Variants in TPTE2 observed in about 807,000 individuals in gnomAD.
TPTE2 encodes transmembrane phosphoinositide 3-phosphatase and tensin homolog 2.
In TPTE2, 53 loss-of-function variants were observed where a neutral mutation model predicts 78.6. That is an observed-to-expected ratio of 0.67 (90% CI 0.54 to 0.85). The LOEUF (loss-of-function observed/expected upper bound fraction) is 0.85. Ranked by LOEUF, TPTE2 falls within the 40% of genes least tolerant of loss-of-function variation. TPTE2 has a pLI of 0.00. For synonymous variants in TPTE2, 175 were observed against 206.2 expected (o/e 0.85, Z 1.30); for missense variants, 461 against 623.0 (o/e 0.74, Z 2.77).
chr13:19,445,987 C>T (rs1566043325), intron 13 of TPTE2, among the ~76,000 whole-genome samples: 1 of 152,000 alleles, frequency 6.6e-6, no homozygotes, highest in Non-Finnish European at 1.5e-5. Flanking sequence ...AAATTGGAAA[C>T]AACCCAAATG....
the TPTE2 span, among the ~76,000 whole-genome samples, chr13:19,547,099 A>C: frequency 6.6e-6 from 1 of 151,946 alleles, no homozygotes; most frequent in African/African-American, 2.4e-5. Context: ...AAAAAAAAAA[A>C]AGATCACATA....
At chr13:19,478,180 A>G (rs896691469) in intron 4 of TPTE2, among the ~76,000 whole-genome samples, 4 of 152,216 alleles carry the variant, frequency 2.6e-5, no homozygotes, top group African/African-American at 9.7e-5. Flanking sequence ...TAAACTAAAG[A>G]GCTTCTGCAC....
At chr13:19,454,601 T>C (rs917036180) in intron 10 of TPTE2, among the ~76,000 whole-genome samples, 4 of 152,180 alleles carry the variant, frequency 2.6e-5, no homozygotes, top group Non-Finnish European at 4.4e-5. Flanking sequence ...TTAAAACACA[T>C]GATTACCTCC....
At chr13:19,483,133 C>T (rs1245263160) in intron 3 of TPTE2, among the ~76,000 whole-genome samples, 2 of 152,182 alleles carry the variant, frequency 1.3e-5, no homozygotes, top group Non-Finnish European at 1.5e-5. Flanking sequence ...TGGTGGAGGG[C>T]GTTGCCTCCA....
chr13:19,509,291 C>T (rs1869273174), intron 1 of TPTE2, among the ~76,000 whole-genome samples: 1 of 152,020 alleles, frequency 6.6e-6, no homozygotes. Context: ...AAGCATAAGT[C>T]ACTGAACTGG....
intron 1 of TPTE2, 92 bp downstream of exon 4, chr13:19,503,132 G>T (rs76146861): frequency 2.6e-6 from 4 of 1,567,466 alleles, no homozygotes. Context: ...TGGATGCATG[G>T]ATGGATATAT....
intron 4 of TPTE2, among the ~76,000 whole-genome samples, chr13:19,481,984 G>T (rs1289461753): frequency 6.6e-6 from 1 of 152,020 alleles, no homozygotes; most frequent in Admixed American, 6.6e-5. Context: ...ATGATAAAAT[G>T]CCTTCAGGTC....
intron 15 of TPTE2, among the ~76,000 whole-genome samples, chr13:19,433,757 C>T (rs1188310218): frequency 1.3e-5 from 2 of 152,160 alleles, no homozygotes; most frequent in Non-Finnish European, 2.9e-5. Context: ...TGAGGTCTTG[C>T]CAACACAGCT....
upstream of TPTE2, among the ~76,000 whole-genome samples, chr13:19,505,351 G>A (rs1428009245): frequency 6.6e-6 from 1 of 152,080 alleles, no homozygotes; most frequent in African/African-American, 2.4e-5. Context: ...ATGTTGGTCA[G>A]GCTGGTCTCA....
chr13:19,499,214 C>G (rs1042385769), intron 1 of TPTE2, among the ~76,000 whole-genome samples: 3 of 151,970 alleles, frequency 2.0e-5, no homozygotes, highest in African/African-American at 4.8e-5. Flanking sequence ...ACTTTAACAC[C>G]CCACTGTCAA....
intron 1 of TPTE2, among the ~76,000 whole-genome samples, chr13:19,511,679 G>A (rs1296884211): frequency 3.9e-5 from 6 of 152,122 alleles, no homozygotes; most frequent in African/African-American, 1.4e-4. Flanking sequence ...CTTTTAGGGG[G>A]TCCCACTGGC....
chr13:19,543,241 C>T, the TPTE2 span, among the ~76,000 whole-genome samples: 1 of 151,832 alleles, frequency 6.6e-6, no homozygotes, highest in Non-Finnish European at 1.5e-5. Context: ...TTAGTAGAGA[C>T]AAGGTTTCAC....
At chr13:19,511,401 CAT>C (rs1360123809) in intron 1 of TPTE2, among the ~76,000 whole-genome samples, 1 of 152,102 alleles carries the variant, frequency 6.6e-6, no homozygotes, top group Non-Finnish European at 1.5e-5. Flanking sequence ...TTACAGAACA[CAT>C]ATAAATGTAT....
In TPTE2 at chr13:19,438,233, C is replaced by G. The variant is rs139552859; in HGVS notation, c.974-80G>C. On this transcript the variant is annotated intron_variant, in intron 13 of 19. Transcript: ENST00000400230. ...GAAATATTCAAGGAGTGCATTTTAA[C>G]TTGATTTTCTTTCTTTTTTTTGAGA... The G allele has an allele frequency of 7.3e-4, 1,095 of 1,508,842 alleles. 5 individuals carry two copies. The African/African-American group carries it at 0.013, about 17-fold the overall frequency. The allele number at this position is 1,508,842 out of a possible 1,614,324, so 93.5% of individuals were successfully genotyped here. A position where few individuals can be genotyped will look rare whatever the true frequency, so the allele number is the denominator to read the frequency against.
intron 4 of TPTE2, among the ~76,000 whole-genome samples, chr13:19,478,185 C>A (rs1259135496): frequency 6.6e-6 from 1 of 152,146 alleles, no homozygotes; most frequent in Non-Finnish European, 1.5e-5. Flanking sequence ...TAAAGAGCTT[C>A]TGCACAGCAA....
At chr13:19,490,057 ATT>A (rs1321429599) in intron 3 of TPTE2, among the ~76,000 whole-genome samples, 1 of 152,038 alleles carries the variant, frequency 6.6e-6, no homozygotes, top group African/African-American at 2.4e-5. Flanking sequence ...TTAATATATC[ATT>A]TTTTCCTAGA....
the TPTE2 span, among the ~76,000 whole-genome samples, chr13:19,557,922 T>C: frequency 6.6e-6 from 1 of 152,188 alleles, no homozygotes; most frequent in African/African-American, 2.4e-5. Context: ...AGGGCAAAAA[T>C]ACACTTAAAA....
At chr13:19,448,999 G>A in intron 13 of TPTE2, among the ~76,000 whole-genome samples, 1 of 152,114 alleles carries the variant, frequency 6.6e-6, no homozygotes. Flanking sequence ...GGATGAACCT[G>A]GAGAACATTA....
rs1280317107 is a variant in TPTE2 at position 19,467,340 on chromosome 13, G to A, written c.397C>T (p.Gln133Ter). ...TTAAATAAGTCAGAAAAATACTGCT[G>A]TCTCCTGTAATATAAAAAAAAAAAA... The change falls in exon 7 of 20, where the codon CAG (glutamine) becomes TAG (stop). Residue 133 changes from glutamine (Q) to a stop codon, truncating the protein, a stop_gained. Transcript: ENST00000400230. LOFTEE classifies it high-confidence loss of function. 22 of 1,485,266 alleles carry A rather than the reference G, an allele frequency of 1.5e-5. No individual in the cohort carries two copies. The highest frequency in any genetic ancestry group is 1.9e-5 in the Non-Finnish European group (21 of 1,119,114). 92.0% of individuals were successfully genotyped at this position (1,485,266 alleles called of 1,614,324 possible).
Sources: allele counts gnomAD v4.1 joint callset (sites outside exome capture counted in the v4.1 genomes callset), GRCh38; gene constraint gnomAD v4.1.1; transcripts MANE v1.5; gene names NCBI Gene and HGNC (gene_info 2026-07-23, HGNC 2026-07-21).